CBFB: variants seen among roughly 807,000 people sequenced by gnomAD.
The protein encoded by CBFB is core-binding factor subunit beta.
Under a neutral mutation model 30.4 loss-of-function variants are expected in CBFB, and 9 were observed. The observed-to-expected ratio is 0.30, with a 90% CI of 0.18 to 0.52. The LOEUF (loss-of-function observed/expected upper bound fraction) is 0.52, where lower values mean the gene tolerates loss of function less well. CBFB is among the 20% of genes least tolerant of loss of function. CBFB has a pLI of 0.97. For missense variants in CBFB, 170 were observed against 244.0 expected (o/e 0.70, Z 2.02); for synonymous variants, 94 against 84.0 (o/e 1.12, Z -0.65).
intron 3 of CBFB, among the ~76,000 whole-genome samples, chr16:67,045,314 G>A (rs906532034): frequency 7.9e-5 from 12 of 152,030 alleles, no homozygotes; most frequent in African/African-American, 2.9e-4. Context: ...TCAGGAGTTC[G>A]AGACCAGACT....
Position 67,099,381 on chromosome 16 carries a change from T to G in CBFB, c.*603T>G, listed in dbSNP as rs1358864239. ...TGACAAAGTTTACAGTTATTAAAGT[T>G]GCAGTATCCTTTTAAATGCTAGTAA... On this transcript the variant is annotated 3_prime_UTR_variant, in exon 6 of 6. Coordinates refer to ENST00000412916, the MANE Select transcript of CBFB (RefSeq NM_022845.3). 4.5e-6 allele frequency: 1 copy of G among 220,694 alleles called. No homozygotes were observed. The highest frequency in any genetic ancestry group is 9.1e-6 in the Non-Finnish European group (1 of 110,198). The allele number at this position is 220,694 out of a possible 1,614,324, so 13.7% of individuals were successfully genotyped here.
chr16:67,093,422 T>A (rs1301920428), intron 5 of CBFB: 1 of 130,902 alleles, frequency 7.6e-6, no homozygotes, highest in Non-Finnish European at 1.6e-5. Flanking sequence ...AGAATGGAGA[T>A]CAACCAGGAA....
chr16:67,069,085 A>G (rs773232313), intron 4 of CBFB, among the ~76,000 whole-genome samples: 21 of 152,170 alleles, frequency 1.4e-4, no homozygotes, highest in Admixed American at 8.5e-4. Context: ...ATGGTGGCGC[A>G]TGCCTGTAAT....
At chr16:67,046,693 A>G (rs1244647797) in intron 3 of CBFB, among the ~76,000 whole-genome samples, 2 of 152,176 alleles carry the variant, frequency 1.3e-5, no homozygotes, top group Non-Finnish European at 2.9e-5. Flanking sequence ...TGATGCAGAC[A>G]TACATGCACT....
intron 2 of CBFB, among the ~76,000 whole-genome samples, chr16:67,032,668 A>G (rs1310393893): frequency 6.6e-6 from 1 of 152,154 alleles, no homozygotes; most frequent in Non-Finnish European, 1.5e-5. Context: ...TGATTATTTG[A>G]ATTTAGAGGC....
chr16:67,084,690 A>G (rs574948985), intron 5 of CBFB, among the ~76,000 whole-genome samples: 2 of 152,336 alleles, frequency 1.3e-5, no homozygotes, highest in South Asian at 4.1e-4. Context: ...TTACATAATG[A>G]AGAAAATTTG....
intron 5 of CBFB, among the ~76,000 whole-genome samples, chr16:67,083,410 C>T (rs907981076): frequency 1.3e-5 from 2 of 151,900 alleles, no homozygotes; most frequent in African/African-American, 4.8e-5. Context: ...ATTCTCCTGC[C>T]TCAGCATCCT....
intron 3 of CBFB, among the ~76,000 whole-genome samples, chr16:67,042,690 C>T (rs978426555): frequency 2.0e-5 from 3 of 152,274 alleles, no homozygotes; most frequent in Middle Eastern, 3.4e-3. Flanking sequence ...ACTTCCTAGT[C>T]ATGCTTCTCC....
At chr16:67,061,645 T>C (rs1014153093) in intron 3 of CBFB, among the ~76,000 whole-genome samples, 3 of 152,236 alleles carry the variant, frequency 2.0e-5, no homozygotes, top group Non-Finnish European at 4.4e-5. Context: ...TAAAACTGTA[T>C]TTATTTGAAT....
intron 5 of CBFB, among the ~76,000 whole-genome samples, chr16:67,089,177 T>G (rs1395312421): frequency 2.6e-5 from 4 of 152,226 alleles, no homozygotes; most frequent in African/African-American, 9.6e-5. Context: ...AAGCATTGTT[T>G]ATGTTAGTAA....
chr16:67,044,412 T>G (rs1002241507), intron 3 of CBFB, among the ~76,000 whole-genome samples: 1 of 152,204 alleles, frequency 6.6e-6, no homozygotes, highest in African/African-American at 2.4e-5. Flanking sequence ...ACATTCTTGT[T>G]TATAGCTTAT....
chr16:67,062,174 T>A (rs1475841558), intron 3 of CBFB, among the ~76,000 whole-genome samples: 3 of 146,870 alleles, frequency 2.0e-5, no homozygotes, highest in African/African-American at 7.4e-5. Flanking sequence ...TATAAGGAAA[T>A]TTTTTTTTTT....
rs374885671 is a variant in CBFB, at chr16:67,095,793, C to T, written c.496-2917C>T. On this transcript the variant is annotated intron_variant, in intron 5 of 5. Transcript: ENST00000412916. ...CCACAACCTCTGCCTTTCTGGTTCA[C>T]GCGATCCTCCTGCCTCAGACTCCCG... Among the ~76,000 whole-genome samples, 11 of 151,376 alleles carry T rather than the reference C, an allele frequency of 7.3e-5. No homozygotes were observed. In the East Asian group the frequency reaches 2.0e-3, roughly 27 times the overall value.
rs142197649 is a variant in CBFB, at chr16:67,096,713, T to G, written c.496-1997T>G. ...ATCTGGGCCGGGCGCGGTGGCTCAC[T>G]CCTGTAATCCCAGCACTTTGGGAGG... On this transcript the variant is annotated intron_variant, in intron 5 of 5. Transcript: ENST00000412916. Among the ~76,000 whole-genome samples, 26 of 151,196 alleles carry G rather than the reference T, an allele frequency of 1.7e-4. No individual in the cohort carries two copies. In the East Asian group the frequency reaches 2.2e-3, roughly 13 times the overall value.
chr16:67,092,696 ATCTTTT>A (rs1382160268), intron 5 of CBFB, among the ~76,000 whole-genome samples: 10 of 94,680 alleles, frequency 1.1e-4, no homozygotes, highest in Non-Finnish European at 1.4e-4. Context: ...CAGTGGTGCA[ATCTTTT>A]TTTTTTTTTT....
At chr16:67,062,621 G>A (rs550559321) in intron 3 of CBFB, among the ~76,000 whole-genome samples, 2 of 151,558 alleles carry the variant, frequency 1.3e-5, no homozygotes, top group African/African-American at 4.8e-5. Context: ...GTGAAACCCC[G>A]TCTCTACTAA....
intron 3 of CBFB, among the ~76,000 whole-genome samples, chr16:67,060,636 A>G (rs1408754546): frequency 6.6e-6 from 1 of 151,584 alleles, no homozygotes; most frequent in Non-Finnish European, 1.5e-5. Flanking sequence ...GCTCACTGCA[A>G]CCTCCGCCTC....
intron 3 of CBFB, among the ~76,000 whole-genome samples, chr16:67,049,818 CTG>C (rs1303101074): frequency 6.6e-6 from 1 of 152,120 alleles, no homozygotes. Flanking sequence ...CCACCGGACA[CTG>C]TGCTAGATGG....
chr16:67,041,474 A>G (rs183813822), intron 3 of CBFB, among the ~76,000 whole-genome samples: 1 of 152,202 alleles, frequency 6.6e-6, no homozygotes, highest in African/African-American at 2.4e-5. Flanking sequence ...TGAGAAAGAG[A>G]AGAATAAAGA....
Sources: gnomAD v4.1 joint callset for allele counts (sites outside exome capture counted in the v4.1 genomes callset) on GRCh38, gnomAD v4.1.1 for gene constraint, MANE v1.5 for transcripts, NCBI Gene and HGNC (gene_info 2026-07-23, HGNC 2026-07-21) for gene names.